Variants in GABBR2 observed in about 807,000 individuals in gnomAD.
GABBR2 encodes gamma-aminobutyric acid type B receptor subunit 2.
GABBR2 carries 23 observed loss-of-function variants against 105.6 expected under a neutral mutation model. That is an observed-to-expected ratio of 0.22 (90% CI 0.16 to 0.31). The LOEUF is 0.31. GABBR2 is among the 10% of genes least tolerant of loss of function. The pLI, the probability that GABBR2 is intolerant of heterozygous loss-of-function variation, is 1.00. For synonymous variants in GABBR2, 478 were observed against 499.7 expected, an observed-to-expected ratio of 0.96 and a Z score of 0.58; for missense variants, 734 against 1,245.5, an observed-to-expected ratio of 0.59 and a Z score of 6.18.
intron 3 of GABBR2, among the ~76,000 whole-genome samples, chr9:98,507,738 T>A (rs1025420879): frequency 6.6e-6 from 1 of 152,224 alleles, no homozygotes; most frequent in Admixed American, 6.5e-5. Flanking sequence ...TCCACAGTCC[T>A]GGGCTCAAGA....
intron 1 of GABBR2, among the ~76,000 whole-genome samples, chr9:98,663,521 T>C (rs1031125804): frequency 6.6e-5 from 10 of 152,044 alleles, no homozygotes; most frequent in African/African-American, 2.4e-4. Context: ...CACAGAGATC[T>C]AGGAAGACGT....
At chr9:98,291,797 G>A (rs1318735348) in intron 18 of GABBR2, among the ~76,000 whole-genome samples, 2 of 152,200 alleles carry the variant, frequency 1.3e-5, no homozygotes, top group Admixed American at 6.5e-5. Flanking sequence ...ATGATGAACT[G>A]TGTCTCCTTC....
chr9:98,594,062 C>T (rs1181537141), intron 1 of GABBR2, among the ~76,000 whole-genome samples: 14 of 152,168 alleles, frequency 9.2e-5, no homozygotes, highest in Admixed American at 5.2e-4. Context: ...ATCCCAGAGG[C>T]GATTTCCCCA....
intron 8 of GABBR2, among the ~76,000 whole-genome samples, chr9:98,399,788 T>C (rs1436772860): frequency 6.6e-6 from 1 of 152,204 alleles, no homozygotes; most frequent in Non-Finnish European, 1.5e-5. Flanking sequence ...GAGAAGATAC[T>C]TGCAAAGCCT....
At chr9:98,566,535 C>T (rs996880526) in intron 2 of GABBR2, among the ~76,000 whole-genome samples, 19 of 152,014 alleles carry the variant, frequency 1.2e-4, no homozygotes, top group Admixed American at 3.3e-4. Flanking sequence ...ATTAGCCAGG[C>T]ACGGTGGCGG....
At chr9:98,426,483 C>T (rs976330613) in intron 7 of GABBR2, among the ~76,000 whole-genome samples, 3 of 152,182 alleles carry the variant, frequency 2.0e-5, no homozygotes, top group Non-Finnish European at 4.4e-5. Context: ...GTGCTCAGCT[C>T]TGAGTTTGAT....
intron 1 of GABBR2, among the ~76,000 whole-genome samples, chr9:98,600,114 G>GA (rs1408240405): frequency 1.3e-5 from 2 of 152,016 alleles, no homozygotes; most frequent in African/African-American, 2.4e-5. Context: ...AAAAGCTCAA[G>GA]AAAAAATAAG....
intron 1 of GABBR2, among the ~76,000 whole-genome samples, chr9:98,600,378 C>T (rs1014841216): frequency 1.3e-5 from 2 of 152,160 alleles, no homozygotes; most frequent in Non-Finnish European, 2.9e-5. Flanking sequence ...CAAATCCCAA[C>T]CTCCACCTCC....
At position 98,699,840 on chromosome 9, in the gene GABBR2, G is replaced by A. The variant is rs569502332; in HGVS notation, c.321+8577C>T. 5.3e-5 allele frequency among the ~76,000 whole-genome samples: 8 copies of A among 152,292 alleles called. 1 individual carries two copies. In the South Asian group the frequency reaches 1.7e-3, roughly 32 times the overall value. On this transcript the variant is annotated intron_variant, in intron 1 of 18. Transcript: ENST00000259455. Reference sequence around the variant, plus strand: ...GTACAGACAGGAAGGCATTTCACCAGCCTCACTGTGCACTGTTACATAACG... The same window carrying A: ...GTACAGACAGGAAGGCATTTCACCAACCTCACTGTGCACTGTTACATAACG...
intron 5 of GABBR2, among the ~76,000 whole-genome samples, chr9:98,476,799 A>C (rs948028660): frequency 6.6e-6 from 1 of 152,084 alleles, no homozygotes; most frequent in Admixed American, 6.5e-5. Context: ...ATTTTTCACT[A>C]TCATCAAGTT....
At chr9:98,445,541 G>A (rs2491399) in intron 7 of GABBR2, among the ~76,000 whole-genome samples, 111,538 of 152,218 alleles carry the variant, frequency 0.73, 41,398 homozygotes, top group African/African-American at 0.84. Flanking sequence ...ACGTGTTCTC[G>A]GAAGAAACCT....
chr9:98,399,046 C>T (rs2131515683), intron 8 of GABBR2, among the ~76,000 whole-genome samples: 1 of 152,182 alleles, frequency 6.6e-6, no homozygotes, highest in East Asian at 1.9e-4. Flanking sequence ...TTGGCAACCT[C>T]CCTCAGGTCC....
chr9:98,603,622 C>T (rs957974873), intron 1 of GABBR2, among the ~76,000 whole-genome samples: 1 of 152,194 alleles, frequency 6.6e-6, no homozygotes, highest in African/African-American at 2.4e-5. Context: ...GCCTGGCACA[C>T]AAGTCAGGCT....
chr9:98,320,641 T>C (rs999453917), intron 13 of GABBR2, among the ~76,000 whole-genome samples: 7 of 152,206 alleles, frequency 4.6e-5, no homozygotes, highest in African/African-American at 1.7e-4. Flanking sequence ...TGGAATACTG[T>C]GCAGCCTTAA....
At chr9:98,466,663 G>A (rs776532331) in intron 6 of GABBR2, among the ~76,000 whole-genome samples, 51 of 152,288 alleles carry the variant, frequency 3.3e-4, no homozygotes, top group Non-Finnish European at 6.9e-4. Context: ...ACAAATCTGT[G>A]AGAGAGATAT....
At chr9:98,313,161 A>T (rs961916059) in intron 13 of GABBR2, among the ~76,000 whole-genome samples, 1 of 152,196 alleles carries the variant, frequency 6.6e-6, no homozygotes, top group African/African-American at 2.4e-5. Flanking sequence ...GCTGCCTTCT[A>T]TGTTTTTTCC....
chr9:98,413,062 T>C (rs552945183), intron 7 of GABBR2, among the ~76,000 whole-genome samples: 48 of 152,288 alleles, frequency 3.2e-4, no homozygotes, highest in African/African-American at 8.7e-4. Context: ...TTTTCCCCAA[T>C]TGGAAGTTGA....
intron 13 of GABBR2, among the ~76,000 whole-genome samples, chr9:98,346,402 G>C (rs899977826): frequency 1.3e-5 from 2 of 152,160 alleles, no homozygotes; most frequent in African/African-American, 4.8e-5. Flanking sequence ...TCCATAAGAA[G>C]CAACTCCTCA....
At chr9:98,354,257 T>C (rs1831449475) in intron 13 of GABBR2, among the ~76,000 whole-genome samples, 1 of 152,180 alleles carries the variant, frequency 6.6e-6, no homozygotes, top group African/African-American at 2.4e-5. Context: ...ACAGGCAGAG[T>C]AGATTTAGCA....
Sources: allele counts gnomAD v4.1 joint callset (sites outside exome capture counted in the v4.1 genomes callset), GRCh38; gene constraint gnomAD v4.1.1; transcripts MANE v1.5; gene names NCBI Gene and HGNC (gene_info 2026-07-23, HGNC 2026-07-21).